The following CCDC178 variants were observed in gnomAD, a reference collection of about 807,000 sequenced individuals.
The protein encoded by CCDC178 is coiled-coil domain containing 178.
A neutral mutation model predicts 117.4 loss-of-function variants in CCDC178; 126 were observed. The ratio of observed to expected loss-of-function variants is 1.07; its 90% CI spans 0.93 to 1.24. The LOEUF (loss-of-function observed/expected upper bound fraction) is 1.24. Ranked by LOEUF, CCDC178 falls within the 50% of genes most tolerant of loss-of-function variation. CCDC178 has a pLI of 0.00. For synonymous variants in CCDC178, 283 were observed against 313.4 expected (o/e 0.90, Z 1.02); for missense variants, 1,030 against 986.9 (o/e 1.04, Z -0.59).
intron 20 of CCDC178, among the ~76,000 whole-genome samples, chr18:33,119,068 C>T (rs992507625): frequency 2.6e-5 from 4 of 152,192 alleles, no homozygotes; most frequent in East Asian, 3.9e-4. Context: ...AATGTTAGAC[C>T]TAAAACCATA....
At chr18:33,178,423 C>G (rs1434952849) in intron 20 of CCDC178, among the ~76,000 whole-genome samples, 1 of 152,098 alleles carries the variant, frequency 6.6e-6, no homozygotes, top group Admixed American at 6.6e-5. Flanking sequence ...AAGAATCTCC[C>G]ATCTGTATTC....
At chr18:33,396,480 T>C (rs1450994912) in intron 4 of CCDC178, among the ~76,000 whole-genome samples, 1 of 152,110 alleles carries the variant, frequency 6.6e-6, no homozygotes, top group Admixed American at 6.6e-5. Context: ...AGGATATATG[T>C]ACAAGGAGGT....
At chr18:33,193,241 C>A (rs867272745) in intron 20 of CCDC178, among the ~76,000 whole-genome samples, 9 of 106,336 alleles carry the variant, frequency 8.5e-5, no homozygotes, top group Middle Eastern at 0.011. Context: ...GCAGCCTGGG[C>A]AACAGAGCGA....
At chr18:33,065,761 AG>A (rs1175300909) in intron 21 of CCDC178, among the ~76,000 whole-genome samples, 1 of 152,162 alleles carries the variant, frequency 6.6e-6, no homozygotes, top group Admixed American at 6.5e-5. Flanking sequence ...GATACCTTAC[AG>A]GCAAGGAGAG....
intron 20 of CCDC178, among the ~76,000 whole-genome samples, chr18:33,183,553 T>A (rs2058755534): frequency 6.6e-6 from 1 of 152,038 alleles, no homozygotes; most frequent in Admixed American, 6.6e-5. Context: ...TTTAAATTTT[T>A]ATGTTGCCAA....
intron 12 of CCDC178, among the ~76,000 whole-genome samples, chr18:33,279,811 A>G (rs1158503766): frequency 1.3e-5 from 2 of 152,290 alleles, no homozygotes; most frequent in Non-Finnish European, 2.9e-5. Flanking sequence ...ATCTACAACT[A>G]TCTGGTCTTT....
chr18:33,341,161 G>C (rs1185147498), intron 9 of CCDC178, among the ~76,000 whole-genome samples: 2 of 152,050 alleles, frequency 1.3e-5, no homozygotes, highest in East Asian at 1.9e-4. Flanking sequence ...GGAGTCAAAG[G>C]AGATCATTTT....
intron 14 of CCDC178, among the ~76,000 whole-genome samples, chr18:33,253,162 A>G (rs1568090637): frequency 6.6e-6 from 1 of 151,948 alleles, no homozygotes; most frequent in South Asian, 2.1e-4. Flanking sequence ...TGCAAGGTAA[A>G]CAATCATATC....
At chr18:33,047,724 C>T (rs933261437) in intron 21 of CCDC178, among the ~76,000 whole-genome samples, 3 of 152,138 alleles carry the variant, frequency 2.0e-5, no homozygotes, top group Non-Finnish European at 4.4e-5. Flanking sequence ...GAACTCTTAG[C>T]TGTCTCTAAG....
chr18:33,361,964 G>A (rs891456991), intron 6 of CCDC178, among the ~76,000 whole-genome samples: 1 of 151,698 alleles, frequency 6.6e-6, no homozygotes, highest in African/African-American at 2.4e-5. Context: ...TATACCCAAA[G>A]GAGATGAAAG....
chr18:33,299,772 A>G (rs1216324222), intron 11 of CCDC178, among the ~76,000 whole-genome samples: 1 of 56,222 alleles, frequency 1.8e-5, no homozygotes, highest in Non-Finnish European at 4.5e-5. Context: ...ACATCTCAAC[A>G]GAAAAAAAAA....
chr18:33,230,246 C>CTGTGTGTGTGTGTGTGTGTG (rs111674114), intron 15 of CCDC178, among the ~76,000 whole-genome samples: 4 of 148,096 alleles, frequency 2.7e-5, no homozygotes, highest in African/African-American at 9.9e-5. Flanking sequence ...AACTCAGAGG[C>CTGTGTGTGTGTGTGTGTGTG]TGTGTGTGTG....
At chr18:33,429,124 T>G (rs1236796732) in intron 2 of CCDC178, among the ~76,000 whole-genome samples, 3 of 151,960 alleles carry the variant, frequency 2.0e-5, no homozygotes, top group African/African-American at 7.2e-5. Flanking sequence ...TTCATAAATA[T>G]ATAAAGCTTC....
chr18:33,226,769 A>G (rs751583306), intron 16 of CCDC178, 24 bp downstream of exon 16: 35 of 1,500,862 alleles, frequency 2.3e-5, no homozygotes, highest in Non-Finnish European at 3.0e-5. Flanking sequence ...GAAGAATAAA[A>G]TATTAAAACC....
At chr18:33,400,925 T>C (rs1346951449) in intron 3 of CCDC178, among the ~76,000 whole-genome samples, 1 of 152,224 alleles carries the variant, frequency 6.6e-6, no homozygotes. Context: ...GAGAGACACA[T>C]AATTCTTCCT....
At chr18:33,321,712 G>T (rs4799688) in intron 11 of CCDC178, among the ~76,000 whole-genome samples, 54,660 of 150,896 alleles carry the variant, frequency 0.36, 10,054 homozygotes, top group East Asian at 0.49. Context: ...CAAGAAATAA[G>T]AAAATACCAA....
At chr18:33,188,687 C>A (rs1191683364) in intron 20 of CCDC178, among the ~76,000 whole-genome samples, 2 of 152,148 alleles carry the variant, frequency 1.3e-5, no homozygotes, top group African/African-American at 2.4e-5. Context: ...ATTCAGCCAA[C>A]AACCTGAATG....
intron 21 of CCDC178, among the ~76,000 whole-genome samples, chr18:33,081,156 T>TG (rs1286457544): frequency 6.6e-6 from 1 of 152,182 alleles, no homozygotes; most frequent in Non-Finnish European, 1.5e-5. Flanking sequence ...TAGCCAGAAC[T>TG]GTCACAATGT....
At chr18:33,052,540 T>C (rs1381239072) in intron 21 of CCDC178, among the ~76,000 whole-genome samples, 2 of 152,048 alleles carry the variant, frequency 1.3e-5, no homozygotes, top group African/African-American at 4.8e-5. Context: ...GCATTTAGAG[T>C]CCATCCAAAT....
Sources: allele counts gnomAD v4.1 joint callset (sites outside exome capture counted in the v4.1 genomes callset), GRCh38; gene constraint gnomAD v4.1.1; transcripts MANE v1.5; gene names NCBI Gene and HGNC (gene_info 2026-07-23, HGNC 2026-07-21).